Variants in ITPR2 observed in about 807,000 individuals in gnomAD.
The protein encoded by ITPR2 is inositol 1,4,5-trisphosphate receptor type 2.
ITPR2 carries 207 observed loss-of-function variants against 317.1 expected under a neutral mutation model. The ratio of observed to expected loss-of-function variants is 0.65; its 90% CI spans 0.58 to 0.73. The LOEUF is 0.73. Ranked by LOEUF, ITPR2 falls within the 30% of genes least tolerant of loss-of-function variation. The pLI is 0.00. For missense variants in ITPR2, 2,613 were observed against 3,284.0 expected, an observed-to-expected ratio of 0.80 and a Z score of 4.99; for synonymous variants, 1,156 against 1,149.1, an observed-to-expected ratio of 1.01 and a Z score of -0.12.
intron 1 of ITPR2, among the ~76,000 whole-genome samples, chr12:26,794,727 C>CATATTACTAATTATAAA (rs1428919123): frequency 2.0e-5 from 3 of 152,198 alleles, no homozygotes; most frequent in Non-Finnish European, 4.4e-5. Flanking sequence ...TGTTTATAAA[C>CATATTACTAATTATAAA]ATAATTACTA....
In ITPR2 at chr12:26,578,261, T is replaced by G. The variant is rs76201882; in HGVS notation, c.4630+452A>C. Among the ~76,000 whole-genome samples the G allele has an allele frequency of 5.3e-3, 805 of 151,938 alleles. 6 individuals carry two copies. The highest frequency in any genetic ancestry group is 0.017 in the African/African-American group (725 of 41,506). On this transcript the variant is annotated intron_variant, in intron 34 of 56. Coordinates refer to ENST00000381340, the MANE Select transcript of ITPR2 (RefSeq NM_002223.4). ...TCTTCTAGAATCTACTCACCTTCCT[T>G]TAGCTGTAATTCCCTTGCCTTCAAT...
chr12:26,443,292 C>G (rs74763618), intron 46 of ITPR2, among the ~76,000 whole-genome samples: 5,110 of 152,068 alleles, frequency 0.034, 230 homozygotes, highest in East Asian at 0.21. Context: ...ATTGCTTCTA[C>G]AGTTAAAAAA....
chr12:26,467,375 TTCTC>T (rs1049922047), intron 45 of ITPR2, among the ~76,000 whole-genome samples: 2 of 140,614 alleles, frequency 1.4e-5, no homozygotes, highest in Admixed American at 1.4e-4. Context: ...CTCTCTCTCT[TTCTC>T]TTTCTCTCTC....
intron 37 of ITPR2, among the ~76,000 whole-genome samples, chr12:26,538,313 A>G (rs1244373949): frequency 6.6e-6 from 1 of 152,152 alleles, no homozygotes; most frequent in African/African-American, 2.4e-5. Context: ...TGAAAGTTAG[A>G]TAAGAATATA....
intron 26 of ITPR2, among the ~76,000 whole-genome samples, chr12:26,608,414 G>A (rs1193805809): frequency 9.2e-5 from 14 of 152,074 alleles, no homozygotes; most frequent in Admixed American, 9.2e-4. Context: ...GCCCCCCACC[G>A]TCTGGGAAGT....
intron 37 of ITPR2, among the ~76,000 whole-genome samples, chr12:26,522,135 A>G (rs996604517): frequency 2.6e-5 from 4 of 152,242 alleles, no homozygotes; most frequent in Non-Finnish European, 5.9e-5. Flanking sequence ...TGATTTGAAT[A>G]AACAGGATGA....
chr12:26,564,136 G>A (rs567811187), intron 34 of ITPR2, among the ~76,000 whole-genome samples: 188 of 152,184 alleles, frequency 1.2e-3, no homozygotes, highest in African/African-American at 4.5e-3. Flanking sequence ...ATAACTGATA[G>A]AAACACAATT....
At chr12:26,484,021 A>C (rs1942603130) in intron 41 of ITPR2, 123 bp from the exon 42 acceptor site, 7 of 805,538 alleles carry the variant, frequency 8.7e-6, no homozygotes, top group Non-Finnish European at 1.4e-5. Flanking sequence ...GCATTTATTA[A>C]AACTGTCCTC....
At chr12:26,789,405 G>C (rs563914686) in intron 2 of ITPR2, among the ~76,000 whole-genome samples, 1 of 152,078 alleles carries the variant, frequency 6.6e-6, no homozygotes, top group East Asian at 1.9e-4. Context: ...GAATCCCTCC[G>C]TCTCTCTCCA....
intron 32 of ITPR2, among the ~76,000 whole-genome samples, chr12:26,593,463 C>T (rs1945757811): frequency 6.6e-6 from 1 of 152,084 alleles, no homozygotes; most frequent in African/African-American, 2.4e-5. Flanking sequence ...AGAAAGAAAT[C>T]CCAGATATGA....
intron 43 of ITPR2, among the ~76,000 whole-genome samples, chr12:26,479,013 A>T (rs1241295000): frequency 6.6e-6 from 1 of 151,694 alleles, no homozygotes; most frequent in East Asian, 2.0e-4. Flanking sequence ...TATTTAAAGT[A>T]CCCTATGCAA....
intron 45 of ITPR2, among the ~76,000 whole-genome samples, chr12:26,449,861 G>T (rs973330514): frequency 6.6e-6 from 1 of 152,132 alleles, no homozygotes; most frequent in Non-Finnish European, 1.5e-5. Context: ...AAGCCAAAAA[G>T]ATATACATGT....
intron 2 of ITPR2, among the ~76,000 whole-genome samples, chr12:26,789,773 C>T (rs149211263): frequency 1.2e-3 from 185 of 152,346 alleles, no homozygotes; most frequent in African/African-American, 4.0e-3. Context: ...ATCATTGCCA[C>T]ACTCCTGGAG....
intron 1 of ITPR2, chr12:26,800,970 G>T (rs1304949106): frequency 5.9e-6 from 1 of 168,642 alleles, no homozygotes. Context: ...TCCTCCCAGG[G>T]ACAGGAGGTA....
intron 9 of ITPR2, among the ~76,000 whole-genome samples, chr12:26,704,632 TTC>T (rs3058700): frequency 1.4e-3 from 198 of 145,474 alleles, no homozygotes; most frequent in Non-Finnish European, 1.7e-3. Context: ...ACTCTGCATT[TTC>T]TCTCTGTTTC....
Position 26,337,573 on chromosome 12 carries a change from T to C in ITPR2, c.*1824A>G, listed in dbSNP as rs960124059. ...AACAAATATGTGGTATCATTTAAAGTTTTATAAAGAATTAAGAGTAACTGA... is the reference window on the plus strand; with the variant it reads ...AACAAATATGTGGTATCATTTAAAGCTTTATAAAGAATTAAGAGTAACTGA... On this transcript the variant is annotated 3_prime_UTR_variant, in exon 57 of 57. Transcript: ENST00000381340. The C allele has an allele frequency of 5.3e-5, 8 of 152,228 alleles. No individual in the cohort carries two copies. The highest frequency in any genetic ancestry group is 1.2e-4 in the Non-Finnish European group (8 of 68,048). 9.4% of individuals were successfully genotyped at this position (152,228 alleles called of 1,614,324 possible).
At chr12:26,563,961 G>A (rs997381365) in intron 34 of ITPR2, among the ~76,000 whole-genome samples, 2 of 152,186 alleles carry the variant, frequency 1.3e-5, no homozygotes, top group Non-Finnish European at 2.9e-5. Flanking sequence ...TGAAAACAGG[G>A]ATGACTCAAG....
chr12:26,553,267 G>A (rs1029258344), intron 36 of ITPR2, among the ~76,000 whole-genome samples: 2 of 152,176 alleles, frequency 1.3e-5, no homozygotes, highest in African/African-American at 4.8e-5. Context: ...CTAATCAGCC[G>A]CCTTAAAGGT....
intron 43 of ITPR2, 47 bp from the exon 44 acceptor site, chr12:26,477,054 G>T: frequency 2.5e-6 from 3 of 1,183,360 alleles, no homozygotes; most frequent in East Asian, 2.4e-5. Context: ...CTATTTCATG[G>T]ATTAACGATT....
Sources: allele counts gnomAD v4.1 joint callset (sites outside exome capture counted in the v4.1 genomes callset), GRCh38; gene constraint gnomAD v4.1.1; transcripts MANE v1.5; gene names NCBI Gene and HGNC (gene_info 2026-07-23, HGNC 2026-07-21).